FMN2: variants seen among roughly 807,000 people sequenced by gnomAD.
FMN2 encodes the protein formin 2.
In FMN2, 51 loss-of-function variants were observed where a neutral mutation model predicts 142.3. The ratio of observed to expected loss-of-function variants is 0.36; its 90% CI spans 0.29 to 0.45. The LOEUF (loss-of-function observed/expected upper bound fraction) is 0.45. FMN2 is among the 20% of genes least tolerant of loss of function. FMN2 has a pLI of 1.00. For synonymous variants in FMN2, 882 were observed against 869.8 expected, an observed-to-expected ratio of 1.01 and a Z score of -0.25; for missense variants, 1,936 against 2,122.8, an observed-to-expected ratio of 0.91 and a Z score of 1.73.
At chr1:240,405,920 C>G (rs979194308) in intron 15 of FMN2, among the ~76,000 whole-genome samples, 1 of 151,724 alleles carries the variant, frequency 6.6e-6, no homozygotes, top group Non-Finnish European at 1.5e-5. Context: ...TTACATTACA[C>G]GCCCAAAGGC....
chr1:240,240,012 C>T (rs939736692), intron 6 of FMN2, among the ~76,000 whole-genome samples: 1 of 152,066 alleles, frequency 6.6e-6, no homozygotes, highest in South Asian at 2.1e-4. Flanking sequence ...TGGACCTTAC[C>T]GTCTAAGGTT....
chr1:240,180,861 C>T (rs1487608443), intron 3 of FMN2, among the ~76,000 whole-genome samples: 2 of 149,478 alleles, frequency 1.3e-5, no homozygotes, highest in African/African-American at 4.9e-5. Context: ...GCCACTGTGC[C>T]CGGGTGACCC....
At chr1:240,201,619 G>A (rs1241524311) in intron 4 of FMN2, among the ~76,000 whole-genome samples, 5 of 152,042 alleles carry the variant, frequency 3.3e-5, no homozygotes, top group African/African-American at 1.2e-4. Flanking sequence ...TTAAAAATTA[G>A]CACTGAAAAT....
chr1:240,188,317 T>G, intron 4 of FMN2, 55 bp downstream of exon 4: 1 of 1,574,890 alleles, frequency 6.3e-7, no homozygotes, highest in Non-Finnish European at 8.7e-7. Flanking sequence ...TGTCTTAAGA[T>G]TGTGACAGAC....
intron 2 of FMN2, among the ~76,000 whole-genome samples, chr1:240,135,064 CTG>C (rs1433125363): frequency 5.9e-5 from 9 of 152,158 alleles, no homozygotes; most frequent in Non-Finnish European, 1.0e-4. Flanking sequence ...ATTTAGCTCT[CTG>C]TGTGTATGTG....
At chr1:240,119,215 G>T (rs919054232) in intron 1 of FMN2, among the ~76,000 whole-genome samples, 1 of 151,920 alleles carries the variant, frequency 6.6e-6, no homozygotes, top group African/African-American at 2.4e-5. Context: ...TGTAATCCCG[G>T]CTACTCAGGA....
chr1:240,359,342 T>C (rs1261478368), intron 14 of FMN2, among the ~76,000 whole-genome samples: 2 of 152,170 alleles, frequency 1.3e-5, no homozygotes, highest in East Asian at 3.9e-4. Context: ...TTTATATGGG[T>C]ATGATTATAT....
chr1:240,273,101 T>G, intron 7 of FMN2, among the ~76,000 whole-genome samples: 1 of 152,138 alleles, frequency 6.6e-6, no homozygotes, highest in South Asian at 2.1e-4. Context: ...AAGAGGAGGG[T>G]TCTCTATCAT....
At chr1:240,470,801 GTTAGA>G (rs1676783135) in intron 16 of FMN2, among the ~76,000 whole-genome samples, 1 of 150,322 alleles carries the variant, frequency 6.7e-6, no homozygotes, top group South Asian at 2.1e-4. Context: ...AATTTTACCT[GTTAGA>G]TTATTTTCCT....
In FMN2 at chr1:240,093,571, G is replaced by A. The variant is rs1301040713; in HGVS notation, c.1462G>A (p.Glu488Lys). The change falls in exon 1 of 18, where the codon GAG becomes AAG. Residue 488 changes from glutamate (E) to lysine (K), a missense_variant. Around this residue, in one of 8 missense-constraint regions of FMN2, gnomAD observed 751 missense variants for 791.8 expected, o/e 0.95. Transcript: ENST00000319653. ...GAGCCGCTCGGCTGACTGGACGGAG[G>A]AGCTAGGCGCCCGCACGCCCCGGGT... ...GLSRSADWTE[E>K]LGARTPRVGG... 4 of 1,468,950 alleles carry A rather than the reference G, an allele frequency of 2.7e-6. No homozygotes were observed. The highest frequency in any genetic ancestry group is 3.6e-6 in the Non-Finnish European group (4 of 1,120,416). The allele number at this position is 1,468,950 out of a possible 1,614,324, so 91.0% of individuals were successfully genotyped here. A position where few individuals can be genotyped will look rare whatever the true frequency, so the allele number is the denominator to read the frequency against.
At chr1:240,180,153 A>G (rs1203672712) in intron 3 of FMN2, 14 of 1,279,798 alleles carry the variant, frequency 1.1e-5, no homozygotes, top group Non-Finnish European at 1.4e-5. Context: ...TCCTTTTTAA[A>G]AATGCATTCT....
At chr1:240,283,147 T>TTTC (rs1020155841) in intron 7 of FMN2, among the ~76,000 whole-genome samples, 2 of 152,248 alleles carry the variant, frequency 1.3e-5, no homozygotes, top group Non-Finnish European at 2.9e-5. Flanking sequence ...TTTTCTTTTT[T>TTTC]TTCTTCTTCC....
intron 6 of FMN2, among the ~76,000 whole-genome samples, chr1:240,256,264 T>A (rs189643438): frequency 6.6e-6 from 1 of 152,306 alleles, no homozygotes; most frequent in East Asian, 1.9e-4. Flanking sequence ...GACAATGCTA[T>A]GGATAGAAAT....
intron 15 of FMN2, among the ~76,000 whole-genome samples, chr1:240,402,224 G>A (rs943352244): frequency 2.6e-5 from 4 of 152,130 alleles, no homozygotes; most frequent in African/African-American, 9.7e-5. Flanking sequence ...TCTATAAATA[G>A]TATTAAAAAC....
chr1:240,433,952 A>G (rs1483873021), intron 15 of FMN2, among the ~76,000 whole-genome samples: 1 of 152,176 alleles, frequency 6.6e-6, no homozygotes, highest in Non-Finnish European at 1.5e-5. Context: ...AGAAATTCCG[A>G]AATGGTCCTG....
rs150801382 is a variant in FMN2, at chr1:240,333,921, C to T, written c.4619C>T (p.Ser1540Leu). 2.7e-3 allele frequency: 4,321 copies of T among 1,610,086 alleles called. 7 individuals are homozygous for T. Among genetic ancestry groups the T allele is most frequent in the Non-Finnish European group, 3.3e-3 (3,921 of 1,178,376 alleles). Residue 1540 changes from serine (S) to leucine (L), a missense_variant, in exon 12 of 18, where the codon TCG (serine) becomes TTG (leucine). Physicochemically the swap from Ser to Leu is moderately radical, Grantham distance 145. Around this residue, in one of 8 missense-constraint regions of FMN2, gnomAD observed 322 missense variants for 401.6 expected, o/e 0.80. Transcript: ENST00000319653. The stretch of plus-strand genomic sequence containing the variant: ...AGAAGCCTTTTGTCATATATTGTTT[C>T]GTATTATCTCCGAAATTTTGATGAG... ...NSRSLLSYIV[S>L]YYLRNFDEDA...
rs772769681 is a variant in FMN2 at position 240,207,366 on chromosome 1, A to G, written c.2554A>G (p.Ser852Gly). Residue 852 changes from serine to glycine, a missense_variant, in exon 5 of 18, where the codon AGC becomes GGC. Transcript: ENST00000319653. ...CTCTGTTTCCTCTGCCTTTAAAAAC[A>G]GCTGTAACATCCCATCTCCACCACC... ...EHSVSSAFKNSCNIPSPPPLP... is the reference protein window; with the variant it reads ...EHSVSSAFKNGCNIPSPPPLP... 3 of 1,613,718 alleles carry G rather than the reference A, an allele frequency of 1.9e-6. No individual in the cohort carries two copies. The highest frequency in any genetic ancestry group is 4.5e-5 in the East Asian group (2 of 44,852).
intron 14 of FMN2, among the ~76,000 whole-genome samples, chr1:240,388,711 A>G (rs982241893): frequency 6.6e-6 from 1 of 151,952 alleles, no homozygotes; most frequent in African/African-American, 2.4e-5. Flanking sequence ...AAACTACAAA[A>G]ATTAGCTGGG....
At chr1:240,234,771 G>C (rs1043286359) in intron 6 of FMN2, among the ~76,000 whole-genome samples, 1 of 152,076 alleles carries the variant, frequency 6.6e-6, no homozygotes, top group African/African-American at 2.4e-5. Flanking sequence ...AGGAAACTAA[G>C]GTTTATTCTC....
Sources: allele counts gnomAD v4.1 joint callset (sites outside exome capture counted in the v4.1 genomes callset), GRCh38; gene constraint gnomAD v4.1.1; regional missense constraint gnomAD v4.1.1; transcripts MANE v1.5; gene names NCBI Gene and HGNC (gene_info 2026-07-23, HGNC 2026-07-21).